Variants in ADD2 observed in about 807,000 individuals in gnomAD.
The protein encoded by ADD2 is beta-adducin.
In ADD2, 23 loss-of-function variants were observed where a neutral mutation model predicts 83.0. The observed-to-expected ratio is 0.28, with a 90% CI of 0.20 to 0.39. The LOEUF is 0.39. ADD2 is among the 10% of genes least tolerant of loss of function. The probability of loss-of-function intolerance (pLI) is 1.00; values close to 1 mark genes in which losing one functional copy is unlikely to be tolerated. For missense variants in ADD2, 758 were observed against 944.9 expected, an observed-to-expected ratio of 0.80 and a Z score of 2.59; for synonymous variants, 375 against 375.4, an observed-to-expected ratio of 1.00 and a Z score of 0.01.
chr2:70,675,979 A>G, intron 13 of ADD2: 11 of 985,044 alleles, frequency 1.1e-5, no homozygotes, highest in Non-Finnish European at 1.3e-5. Context: ...GGTTGGGGGG[A>G]GGTAAGTGTG....
At position 70,663,299 on chromosome 2, in the gene ADD2, C is replaced by A. The variant is rs1675607935; in HGVS notation, c.*126G>T. The A allele has an allele frequency of 9.0e-7, 1 of 1,106,450 alleles. No individual in the cohort carries two copies. The highest frequency in any genetic ancestry group is 1.3e-6 in the Non-Finnish European group (1 of 769,062). The allele number at this position is 1,106,450 out of a possible 1,614,324, so 68.5% of individuals were successfully genotyped here. A position where few individuals can be genotyped will look rare whatever the true frequency, so the allele number is the denominator to read the frequency against. On this transcript the variant is annotated 3_prime_UTR_variant, in exon 16 of 16. Coordinates refer to ENST00000264436, the MANE Select transcript of ADD2 (RefSeq NM_001617.4). ...GGGTTGGTCGGGTGATCTCTAAGTT[C>A]CCCTTCCGAATGTGGTCCAGGGTCC...
intron 1 of ADD2, among the ~76,000 whole-genome samples, chr2:70,737,153 G>A (rs1207137849): frequency 2.6e-5 from 4 of 152,192 alleles, no homozygotes; most frequent in South Asian, 4.2e-4. Context: ...CAACCATTGC[G>A]GAAGACAGTG....
rs1670169029 is a variant in ADD2, at chr2:70,676,771, C to G, written c.1593+25G>C. On this transcript the variant is annotated intron_variant, in intron 13 of 15. Coordinates refer to ENST00000264436, the MANE Select transcript of ADD2 (RefSeq NM_001617.4). This position sits in a 1 kb window ranked among gnomAD's most constrained non-coding sequence, Gnocchi z 4.8. Reference sequence around the variant, plus strand: ...CCCGAAGGCAAACACGTTTCCCCGCCAGTCAGGGGCAGCCTCTGCTCTACC... The same window carrying G: ...CCCGAAGGCAAACACGTTTCCCCGCGAGTCAGGGGCAGCCTCTGCTCTACC... The G allele has an allele frequency of 6.2e-7, 1 of 1,614,162 alleles. No homozygotes were observed. The highest frequency in any genetic ancestry group is 1.3e-5 in the African/African-American group (1 of 75,048).
intron 2 of ADD2, among the ~76,000 whole-genome samples, chr2:70,708,084 G>T (rs1351646513): frequency 6.6e-6 from 1 of 152,176 alleles, no homozygotes; most frequent in Non-Finnish European, 1.5e-5. Flanking sequence ...CATTCTACCA[G>T]AACTCCACAC....
intron 9 of ADD2, among the ~76,000 whole-genome samples, chr2:70,684,440 A>C (rs1213707850): frequency 1.3e-5 from 2 of 152,048 alleles, no homozygotes; most frequent in Non-Finnish European, 2.9e-5. Flanking sequence ...TAGAGATGGG[A>C]GTCCTGCCAT....
At position 70,678,860 on chromosome 2, in the gene ADD2, A is replaced by C; in HGVS notation, c.1227T>G (p.Phe409Leu). The C allele has an allele frequency of 6.2e-7, 1 of 1,614,138 alleles. No individual in the cohort carries two copies. The highest frequency in any genetic ancestry group is 8.5e-7 in the Non-Finnish European group (1 of 1,180,026). ...EIPATVTAFV[F>L]EEDGAPVPAL... is the part of the protein sequence containing the mutation. ...CGGGCACCGGGGCACCGTCCTCCTC[A>C]AACACGAAGGCTGTGACCGTGGCTG... Residue 409 changes from phenylalanine to leucine, a missense_variant, in exon 11 of 16, where the codon TTT becomes TTG. By Grantham distance (22) the Phe-to-Leu change is conservative (BLOSUM62 0). Around this residue, in one of 5 missense-constraint regions of ADD2, gnomAD observed 394 missense variants for 509.3 expected, o/e 0.77. Coordinates refer to ENST00000264436, the MANE Select transcript of ADD2 (RefSeq NM_001617.4).
intron 1 of ADD2, among the ~76,000 whole-genome samples, chr2:70,723,783 G>A (rs931793382): frequency 6.2e-4 from 95 of 152,122 alleles, no homozygotes; most frequent in African/African-American, 2.0e-3. Context: ...CACTTGCACC[G>A]CAGGAGGATC....
intron 15 of ADD2, among the ~76,000 whole-genome samples, chr2:70,664,863 G>A (rs868940582): frequency 6.6e-6 from 1 of 152,078 alleles, no homozygotes; most frequent in Non-Finnish European, 1.5e-5. Context: ...TGTGGTGTGA[G>A]CATGTGCGAA....
chr2:70,718,492 A>G (rs946626911), intron 1 of ADD2, among the ~76,000 whole-genome samples: 9 of 152,270 alleles, frequency 5.9e-5, no homozygotes, highest in Non-Finnish European at 4.4e-5. Flanking sequence ...CAGGGCCCCA[A>G]CAATGAATGC....
chr2:70,692,327 GT>G (rs1671084260), intron 7 of ADD2, 75 bp downstream of exon 7: 7 of 1,433,490 alleles, frequency 4.9e-6, no homozygotes, highest in Admixed American at 5.5e-5. Context: ...TTTCCAGACT[GT>G]TTTAAGTGAC....
chr2:70,710,877 A>G (rs1399637410), intron 2 of ADD2, among the ~76,000 whole-genome samples: 1 of 152,244 alleles, frequency 6.6e-6, no homozygotes, highest in Non-Finnish European at 1.5e-5. Context: ...GCTATTAACT[A>G]TTTACTCTTA....
intron 4 of ADD2, among the ~76,000 whole-genome samples, chr2:70,698,319 C>T (rs1262338638): frequency 4.6e-5 from 7 of 152,190 alleles, no homozygotes; most frequent in Admixed American, 1.3e-4. Flanking sequence ...TCCCCAACCC[C>T]GTGGAGGTTC....
Position 70,706,090 on chromosome 2 carries a change from C to A in ADD2, c.183+136G>T. ...GTGTCAAGGCCCCAGGTGACCAGAT[C>A]CGTCTTGCTCAGTGGGCTTACATTT... On this transcript the variant is annotated intron_variant, in intron 3 of 15. Coordinates refer to ENST00000264436, the MANE Select transcript of ADD2 (RefSeq NM_001617.4). The surrounding 1 kb of genome is among the most constrained non-coding windows in gnomAD (Gnocchi z 5.0). 1.2e-6 allele frequency: 1 copy of A among 866,516 alleles called. No homozygotes were observed. Among genetic ancestry groups the A allele is most frequent in the Non-Finnish European group, 1.7e-6 (1 of 581,064 alleles). The allele number at this position is 866,516 out of a possible 1,614,324, so 53.7% of individuals were successfully genotyped here. A position where few individuals can be genotyped will look rare whatever the true frequency, so the allele number is the denominator to read the frequency against.
At chr2:70,685,663 C>T (rs1486264810) in intron 9 of ADD2, among the ~76,000 whole-genome samples, 1 of 152,172 alleles carries the variant, frequency 6.6e-6, no homozygotes, top group South Asian at 2.1e-4. Context: ...GGTAATAGAT[C>T]TAAAGCACTT....
Position 70,661,343 on chromosome 2 carries a change from T to A in ADD2, c.*2082A>T, listed in dbSNP as rs1311874066. The A allele has an allele frequency of 6.6e-6, 1 of 152,210 alleles. No individual in the cohort carries two copies. The highest frequency in any genetic ancestry group is 2.4e-5 in the African/African-American group (1 of 41,464). 9.4% of individuals were successfully genotyped at this position (152,210 alleles called of 1,614,324 possible). ...CAAATACCATGTAAGGATAAATGAATAAGTGTGAAATCTACTTTTTAAAAG... is the reference window on the plus strand; with the variant it reads ...CAAATACCATGTAAGGATAAATGAAAAAGTGTGAAATCTACTTTTTAAAAG... On this transcript the variant is annotated 3_prime_UTR_variant, in exon 16 of 16. Transcript: ENST00000264436.
At chr2:70,664,717 A>G (rs576890712) in intron 15 of ADD2, among the ~76,000 whole-genome samples, 5 of 151,532 alleles carry the variant, frequency 3.3e-5, no homozygotes, top group Admixed American at 2.0e-4. Context: ...GTGAGTGTGT[A>G]CAAGTGTGTG....
intron 1 of ADD2, chr2:70,717,676 A>C (rs1317646110): frequency 6.6e-6 from 1 of 152,238 alleles, no homozygotes; most frequent in Non-Finnish European, 1.5e-5. Flanking sequence ...CAGAAGCCAG[A>C]CTTACCGATC....
At chr2:70,671,870 T>G (rs3771463) in intron 15 of ADD2, among the ~76,000 whole-genome samples, 78,209 of 151,936 alleles carry the variant, frequency 0.51, 21,547 homozygotes, top group African/African-American at 0.73. Context: ...CCACCAGATT[T>G]CTGCTCTCTG....
intron 12 of ADD2, 96 bp downstream of exon 12, chr2:70,677,662 G>A (rs1553368620): frequency 8.0e-6 from 12 of 1,491,598 alleles, no homozygotes; most frequent in East Asian, 6.8e-5. Context: ...AGATGTCAGC[G>A]AGTCAGGCAC....
Sources: gnomAD v4.1 joint callset for allele counts (sites outside exome capture counted in the v4.1 genomes callset) on GRCh38, gnomAD v4.1.1 for gene constraint, gnomAD v4.1.1 regional missense constraint, Gnocchi (gnomAD v3.1) non-coding constraint, MANE v1.5 for transcripts, NCBI Gene and HGNC (gene_info 2026-07-23, HGNC 2026-07-21) for gene names.